ZNF790: variants seen among roughly 807,000 people sequenced by gnomAD.
ZNF790 encodes zinc finger protein 790.
In ZNF790, 8 loss-of-function variants were observed where a neutral mutation model predicts 12.1. The observed-to-expected ratio is 0.66, with a 90% CI of 0.39 to 1.19. The LOEUF (loss-of-function observed/expected upper bound fraction) is 1.19, where lower values mean the gene tolerates loss of function less well. ZNF790 is among the 50% of genes most tolerant of loss of function. ZNF790 has a pLI of 0.01. For missense variants in ZNF790, 707 were observed against 752.2 expected (o/e 0.94, Z 0.70); for synonymous variants, 252 against 244.3 (o/e 1.03, Z -0.29).
chr19:36,850,404 GGACTTGGTTAAA>G (rs1303784983), upstream of ZNF790: 1 of 152,404 alleles, frequency 6.6e-6, no homozygotes, highest in East Asian at 1.9e-4. Context: ...CAGGCAAGAA[GGACTTGGTTAAA>G]GACTATTGCA....
At chr19:36,848,245 T>A (rs2072197841) in intron 1 of ZNF790, among the ~76,000 whole-genome samples, 1 of 152,036 alleles carries the variant, frequency 6.6e-6, no homozygotes. Flanking sequence ...ACCAAACATG[T>A]GATTAGAATG....
At position 36,823,265 on chromosome 19, in the gene ZNF790, C is replaced by A. The variant is rs374427863; in HGVS notation, c.229+20G>T. ...TATCCACAACAATGGCCTCCTTGTGCGTGTTCAGCCCTCACTCACCTGGGC... is the reference window on the plus strand; with the variant it reads ...TATCCACAACAATGGCCTCCTTGTGAGTGTTCAGCCCTCACTCACCTGGGC... On this transcript the variant is annotated intron_variant, in intron 4 of 4. Coordinates refer to ENST00000356725, the MANE Select transcript of ZNF790 (RefSeq NM_206894.4). 3.1e-6 allele frequency: 5 copies of A among 1,599,784 alleles called. No homozygotes were observed. The highest frequency in any genetic ancestry group is 4.3e-6 in the Non-Finnish European group (5 of 1,167,516).
intron 1 of ZNF790, among the ~76,000 whole-genome samples, chr19:36,834,588 T>C (rs920354213): frequency 7.9e-5 from 12 of 152,216 alleles, no homozygotes; most frequent in Non-Finnish European, 1.5e-4. Context: ...GATGGATCAA[T>C]TGGAACTTGC....
chr19:36,846,925 C>T (rs1183825276), intron 1 of ZNF790, among the ~76,000 whole-genome samples: 1 of 152,158 alleles, frequency 6.6e-6, no homozygotes, highest in East Asian at 1.9e-4. Flanking sequence ...TGCAAACCAA[C>T]CAATCCTGAG....
upstream of ZNF790, among the ~76,000 whole-genome samples, chr19:36,840,001 T>C (rs564175965): frequency 3.9e-5 from 6 of 152,186 alleles, no homozygotes; most frequent in East Asian, 1.2e-3. Context: ...AGGCAGAGGT[T>C]GCAGTGAACC....
At chr19:36,839,116 C>A (rs377251573), upstream of ZNF790, among the ~76,000 whole-genome samples, 4 of 152,166 alleles carry the variant, frequency 2.6e-5, no homozygotes, top group African/African-American at 9.7e-5. Context: ...TTTGTAAATT[C>A]CATTCATGCC....
chr19:36,849,360 C>T (rs769558316), intron 1 of ZNF790, among the ~76,000 whole-genome samples: 3 of 152,126 alleles, frequency 2.0e-5, no homozygotes, highest in Non-Finnish European at 4.4e-5. Context: ...TATTGATTTC[C>T]TCCTAGCTCC....
chr19:36,834,564 T>C (rs1212867559), intron 1 of ZNF790, among the ~76,000 whole-genome samples: 1 of 152,238 alleles, frequency 6.6e-6, no homozygotes, highest in Admixed American at 6.5e-5. Flanking sequence ...GACAATGCCA[T>C]GTGTTAACAA....
chr19:36,849,471 C>T (rs971697042), intron 1 of ZNF790, among the ~76,000 whole-genome samples: 16 of 151,954 alleles, frequency 1.1e-4, no homozygotes, highest in African/African-American at 3.6e-4. Flanking sequence ...GTTCCCCTTT[C>T]ACTATTTATC....
Position 36,818,722 on chromosome 19 carries a change from T to C in ZNF790, c.1622A>G (p.Lys541Arg), listed in dbSNP as rs2071596332. The stretch of plus-strand genomic sequence containing the variant: ...AAGCTGTGAACCCCAGATAAAAGAT[T>C]TCCCACATTCTTTACATACGTAAGG... ...EEPYVCKECGKSFIWGSQLTR... is the reference protein window; with the variant it reads ...EEPYVCKECGRSFIWGSQLTR... Residue 541 changes from lysine (K) to arginine (R), a missense_variant, in exon 5 of 5, where the codon AAA becomes AGA. Coordinates refer to ENST00000356725, the MANE Select transcript of ZNF790 (RefSeq NM_206894.4). The C allele has an allele frequency of 8.7e-6, 14 of 1,613,404 alleles. No individual in the cohort carries two copies. The highest frequency in any genetic ancestry group is 1.1e-5 in the Non-Finnish European group (13 of 1,179,784).
At chr19:36,824,892 C>T (rs759644724) in intron 2 of ZNF790, among the ~76,000 whole-genome samples, 3 of 152,134 alleles carry the variant, frequency 2.0e-5, no homozygotes, top group Non-Finnish European at 4.4e-5. Context: ...TTAGTTTAAA[C>T]TGAGAGAATT....
intron 1 of ZNF790, among the ~76,000 whole-genome samples, chr19:36,847,965 A>T (rs1233599642): frequency 6.6e-6 from 1 of 152,168 alleles, no homozygotes; most frequent in Non-Finnish European, 1.5e-5. Flanking sequence ...CCAGACACCT[A>T]TCCTGCTGGC....
chr19:36,844,079 G>T (rs1269803749), intron 1 of ZNF790, among the ~76,000 whole-genome samples: 1 of 151,392 alleles, frequency 6.6e-6, no homozygotes, highest in African/African-American at 2.4e-5. Flanking sequence ...CCAGCACTTT[G>T]GGAATGCCTG....
At chr19:36,823,502 T>C (rs1449317377) in intron 3 of ZNF790, 122 bp from the exon 4 acceptor site, 11 of 1,252,536 alleles carry the variant, frequency 8.8e-6, no homozygotes, top group Middle Eastern at 3.9e-4. Flanking sequence ...GTATAAACTA[T>C]GGGAAAGATG....
chr19:36,820,623 G>A (rs140974154), intron 4 of ZNF790, among the ~76,000 whole-genome samples: 1 of 152,276 alleles, frequency 6.6e-6, no homozygotes, highest in East Asian at 1.9e-4. Context: ...TAGTTTGAAG[G>A]CCAGGTACAG....
exon 1 of ZNF790, chr19:36,850,003 T>A (rs568755724): frequency 1.3e-5 from 2 of 152,596 alleles, no homozygotes; most frequent in East Asian, 3.9e-4. Context: ...CAGTCTCACA[T>A]GCATGACTGG....
chr19:36,821,183 G>A (rs1227795), intron 4 of ZNF790, among the ~76,000 whole-genome samples: 77 of 151,760 alleles, frequency 5.1e-4, no homozygotes, highest in Middle Eastern at 3.4e-3. Flanking sequence ...ATTTAGGATC[G>A]AGTACAATTG....
rs79779878 is a variant in ZNF790 at position 36,819,883 on chromosome 19, T to G, written c.461A>C (p.His154Pro). The G allele has an allele frequency of 6.2e-7, 1 of 1,614,060 alleles. No homozygotes were observed. Among genetic ancestry groups the G allele is most frequent in the Non-Finnish European group, 8.5e-7 (1 of 1,179,994 alleles). ...TCEKRPTFNQ[H>P]TVFNLHQRLN... ...TCTCTGGTGTAGATTAAACACTGTA[T>G]GCTGGTTAAAAGTGGGCCTTTTTTC... is the stretch of plus-strand genomic sequence containing the variant. The change falls in exon 5 of 5, where the codon CAT (histidine) becomes CCT (proline). Residue 154 changes from histidine to proline, a missense_variant. Coordinates refer to ENST00000356725, the MANE Select transcript of ZNF790 (RefSeq NM_206894.4).
upstream of ZNF790, among the ~76,000 whole-genome samples, chr19:36,843,235 G>A (rs2072146080): frequency 6.6e-6 from 1 of 152,116 alleles, no homozygotes; most frequent in South Asian, 2.1e-4. Context: ...GAGAAAAGAG[G>A]GACACAGACT....
Sources: gnomAD v4.1 joint callset for allele counts (sites outside exome capture counted in the v4.1 genomes callset) on GRCh38, gnomAD v4.1.1 for gene constraint, MANE v1.5 for transcripts, NCBI Gene and HGNC (gene_info 2026-07-23, HGNC 2026-07-21) for gene names.